SYNPR: variants seen among roughly 807,000 people sequenced by gnomAD.
The protein encoded by SYNPR is synaptoporin.
A neutral mutation model predicts 32.9 loss-of-function variants in SYNPR; 23 were observed. That is an observed-to-expected ratio of 0.70 (90% confidence interval 0.50 to 0.99). The LOEUF (loss-of-function observed/expected upper bound fraction) is 0.99. SYNPR is among the 50% of genes least tolerant of loss of function. The pLI, the probability that SYNPR is intolerant of heterozygous loss-of-function variation, is 0.00. For synonymous variants in SYNPR, 146 were observed against 135.9 expected (o/e 1.07, Z -0.52); for missense variants, 318 against 349.3 (o/e 0.91, Z 0.71).
chr3:63,235,373 G>C (rs774065515), intron 1 of SYNPR, among the ~76,000 whole-genome samples: 3 of 152,180 alleles, frequency 2.0e-5, no homozygotes, highest in Admixed American at 6.5e-5. Flanking sequence ...ACCTTGAGCT[G>C]AAGAAAAGAG....
chr3:63,413,745 A>G (rs1205205979), intron 2 of SYNPR, among the ~76,000 whole-genome samples: 1 of 152,124 alleles, frequency 6.6e-6, no homozygotes, highest in Non-Finnish European at 1.5e-5. Flanking sequence ...GCAGCTGCTG[A>G]TGGTGATTGC....
chr3:63,608,032 G>C (rs1202376427), intron 4 of SYNPR, among the ~76,000 whole-genome samples: 2 of 151,972 alleles, frequency 1.3e-5, no homozygotes, highest in Admixed American at 6.6e-5. Context: ...TTTCTTTCCT[G>C]GTCGGCATTT....
rs1038221742 is a variant in SYNPR, at chr3:63,391,739, C to A, written c.85-89093C>A. On this transcript the variant is annotated intron_variant, in intron 2 of 5. Transcript: ENST00000478300. ...AAAGGAAGATTTTGCTGGCTATGATCATATAGGAAGATAGTGGCAGACTGA... is the reference window on the plus strand; with the variant it reads ...AAAGGAAGATTTTGCTGGCTATGATAATATAGGAAGATAGTGGCAGACTGA... Among the ~76,000 whole-genome samples the A allele has an allele frequency of 1.8e-4, 28 of 152,106 alleles. 1 individual carries two copies. Among genetic ancestry groups the A allele is most frequent in the Admixed American group, 1.4e-3 (21 of 15,270 alleles).
At chr3:63,445,596 C>T (rs1161635951) in intron 2 of SYNPR, 1 of 697,424 alleles carries the variant, frequency 1.4e-6, no homozygotes, top group African/African-American at 1.8e-5. Context: ...TCCTATATGC[C>T]TGGCACTGTG....
At chr3:63,455,475 T>C (rs1700465265) in intron 2 of SYNPR, among the ~76,000 whole-genome samples, 1 of 152,122 alleles carries the variant, frequency 6.6e-6, no homozygotes, top group Admixed American at 6.6e-5. Context: ...ACACACATGC[T>C]GCTACATTTT....
At chr3:63,481,055 G>A in intron 3 of SYNPR, 99 bp downstream of exon 3, 1 of 1,477,198 alleles carries the variant, frequency 6.8e-7, no homozygotes, top group Non-Finnish European at 9.0e-7. Flanking sequence ...GGACTTCTGG[G>A]TAAACAGAAA....
Position 63,387,545 on chromosome 3 carries a change from G to GT in SYNPR, c.85-93281dup, listed in dbSNP as rs1445105248. Among the ~76,000 whole-genome samples, 16 of 152,218 alleles carry GT rather than the reference G, an allele frequency of 1.1e-4. No homozygotes were observed. The East Asian group carries it at 3.1e-3, about 29-fold the overall frequency. On this transcript the variant is annotated intron_variant, in intron 2 of 5. Coordinates refer to ENST00000478300, the MANE Select transcript of SYNPR (RefSeq NM_001130003.2). ...AACAACTTAAAATGTACTTTTCTAA[G>GT]TTTTTTACATCTCTTCAGCAGCCAA...
intron 3 of SYNPR, among the ~76,000 whole-genome samples, chr3:63,530,571 T>C (rs558680390): frequency 4.4e-4 from 67 of 152,290 alleles, no homozygotes; most frequent in Admixed American, 4.3e-3. Flanking sequence ...TGCGTTCCAT[T>C]AATAGTAGCT....
intron 2 of SYNPR, among the ~76,000 whole-genome samples, chr3:63,351,254 C>A (rs962277910): frequency 2.0e-5 from 3 of 152,180 alleles, no homozygotes; most frequent in Admixed American, 1.3e-4. Context: ...TTGCTCTTTT[C>A]CTCTGCTTAC....
chr3:63,331,590 A>C (rs1349288439), intron 2 of SYNPR, among the ~76,000 whole-genome samples: 1 of 152,162 alleles, frequency 6.6e-6, no homozygotes, highest in African/African-American at 2.4e-5. Flanking sequence ...CCACTCTGAA[A>C]GGCCAGTAGT....
At chr3:63,397,120 A>G (rs1277378681) in intron 2 of SYNPR, among the ~76,000 whole-genome samples, 1 of 152,102 alleles carries the variant, frequency 6.6e-6, no homozygotes, top group East Asian at 1.9e-4. Context: ...AAAAAAAAAA[A>G]AAAAATTCAC....
At chr3:63,494,416 T>C (rs375607748) in intron 3 of SYNPR, among the ~76,000 whole-genome samples, 8,437 of 104,318 alleles carry the variant, frequency 0.081, 991 homozygotes, top group East Asian at 0.19. Context: ...TATATATATA[T>C]ACGTATATAT....
At chr3:63,243,840 C>T (rs929235813) in intron 1 of SYNPR, among the ~76,000 whole-genome samples, 7 of 151,218 alleles carry the variant, frequency 4.6e-5, no homozygotes, top group African/African-American at 1.7e-4. Context: ...TACTGCCCAC[C>T]CAGATTGAGT....
chr3:63,387,817 G>C (rs1250289701), intron 2 of SYNPR, among the ~76,000 whole-genome samples: 1 of 152,170 alleles, frequency 6.6e-6, no homozygotes, highest in Admixed American at 6.5e-5. Flanking sequence ...CGGGAGAATT[G>C]GGTGGCGGAG....
At position 63,482,614 on chromosome 3, in the gene SYNPR, C is replaced by T. The variant is rs17068747; in HGVS notation, c.209+1658C>T. 1.2e-3 allele frequency among the ~76,000 whole-genome samples: 176 copies of T among 152,250 alleles called. 2 individuals are homozygous for T. In the East Asian group the frequency reaches 0.032, roughly 28 times the overall value. On this transcript the variant is annotated intron_variant, in intron 3 of 5. Transcript: ENST00000478300. ...CTAGGATTTAGCAAGAAATCGTTTG[C>T]CACTTTGCTTACCACATCTTACATT...
At chr3:63,392,651 G>A (rs2088153752) in intron 2 of SYNPR, among the ~76,000 whole-genome samples, 1 of 152,138 alleles carries the variant, frequency 6.6e-6, no homozygotes. Context: ...ATGCCTGGTG[G>A]TTCAGCCTTA....
At chr3:63,211,427 C>A in the SYNPR span, among the ~76,000 whole-genome samples, 1 of 152,190 alleles carries the variant, frequency 6.6e-6, no homozygotes, top group East Asian at 1.9e-4. Context: ...GGCACAAGAG[C>A]AAGGAGATTC....
intron 3 of SYNPR, among the ~76,000 whole-genome samples, chr3:63,549,788 GA>G (rs1412896219): frequency 6.6e-6 from 1 of 151,960 alleles, no homozygotes; most frequent in African/African-American, 2.4e-5. Flanking sequence ...AAGCATCAGT[GA>G]AATGTTTTAA....
intron 2 of SYNPR, among the ~76,000 whole-genome samples, chr3:63,406,572 G>A (rs1366380440): frequency 2.0e-5 from 3 of 151,714 alleles, no homozygotes; most frequent in African/African-American, 7.3e-5. Flanking sequence ...TTCTCTCTCC[G>A]TGGCACATTA....
Sources: allele counts gnomAD v4.1 joint callset (sites outside exome capture counted in the v4.1 genomes callset), GRCh38; gene constraint gnomAD v4.1.1; transcripts MANE v1.5; gene names NCBI Gene and HGNC (gene_info 2026-07-23, HGNC 2026-07-21).